Variants in EXOC1 observed in about 807,000 individuals in gnomAD.
EXOC1 encodes the protein exocyst complex component 1.
EXOC1 carries 67 observed loss-of-function variants against 107.7 expected under a neutral mutation model. The observed-to-expected ratio is 0.62, with a 90% CI of 0.51 to 0.76. The LOEUF is 0.76. EXOC1 is among the 30% of genes least tolerant of loss of function. EXOC1 has a pLI of 0.00. For missense variants in EXOC1, 833 were observed against 1,055.7 expected, an observed-to-expected ratio of 0.79 and a Z score of 2.92; for synonymous variants, 348 against 353.5, an observed-to-expected ratio of 0.98 and a Z score of 0.17.
chr4:55,877,696 C>T (rs1048306164), intron 8 of EXOC1: 11 of 985,054 alleles, frequency 1.1e-5, no homozygotes, highest in Admixed American at 6.2e-5. Context: ...GCCATTCTTG[C>T]GTATTTATGA....
intron 3 of EXOC1, 130 bp downstream of exon 3, chr4:55,860,671 T>C: frequency 1.8e-6 from 2 of 1,101,908 alleles, no homozygotes; most frequent in East Asian, 2.8e-5. Flanking sequence ...TTTTGCTTTT[T>C]TTAAGCTATA....
intron 17 of EXOC1, 127 bp downstream of exon 17, chr4:55,900,011 G>A: frequency 1.5e-6 from 1 of 671,686 alleles, no homozygotes; most frequent in Non-Finnish European, 2.4e-6. Context: ...CTCAGTTATT[G>A]AAGCTGCCAG....
At chr4:55,856,093 C>A (rs968746637) in intron 1 of EXOC1, among the ~76,000 whole-genome samples, 7 of 152,162 alleles carry the variant, frequency 4.6e-5, no homozygotes, top group African/African-American at 1.7e-4. Flanking sequence ...AAAAAGGAAT[C>A]ATCAAATGAG....
At chr4:55,880,764 T>G (rs1173239658) in intron 9 of EXOC1, among the ~76,000 whole-genome samples, 2 of 152,216 alleles carry the variant, frequency 1.3e-5, no homozygotes. Flanking sequence ...TATGGAATCA[T>G]TCTCTGCTCA....
At chr4:55,877,781 C>T in intron 8 of EXOC1, 136 bp from the exon 9 acceptor site, 4 of 1,446,212 alleles carry the variant, frequency 2.8e-6, no homozygotes, top group Non-Finnish European at 3.6e-6. Context: ...TTTTATTTTT[C>T]TGTGTTCTAT....
At chr4:55,895,997 C>T (rs571659978) in intron 15 of EXOC1, among the ~76,000 whole-genome samples, 3 of 152,264 alleles carry the variant, frequency 2.0e-5, no homozygotes, top group South Asian at 2.1e-4. Flanking sequence ...AGAAGTTACC[C>T]GGAGGGATCC....
chr4:55,888,814 T>G, intron 10 of EXOC1, 74 bp from the exon 11 acceptor site: 1 of 1,468,826 alleles, frequency 6.8e-7, no homozygotes. Flanking sequence ...AACTTCCTCT[T>G]GTGCATGGTT....
intron 8 of EXOC1, 25 bp from the exon 9 acceptor site, chr4:55,877,888 CATTT>C: frequency 6.2e-7 from 1 of 1,610,346 alleles, no homozygotes; most frequent in African/African-American, 1.3e-5. Flanking sequence ...CTGTTGATTA[CATTT>C]ATTTACTTAT....
intron 4 of EXOC1, among the ~76,000 whole-genome samples, chr4:55,867,904 A>G (rs890809376): frequency 1.3e-5 from 2 of 152,186 alleles, no homozygotes; most frequent in African/African-American, 4.8e-5. Context: ...CAAAAGAAAA[A>G]TTTCACCTGG....
intron 18 of EXOC1, among the ~76,000 whole-genome samples, chr4:55,902,790 T>TTGGC (rs1284655688): frequency 6.6e-6 from 1 of 151,432 alleles, no homozygotes; most frequent in Non-Finnish European, 1.5e-5. Flanking sequence ...GGTTGGTTGG[T>TTGGC]TGGTTGGTTG....
chr4:55,877,687 C>T (rs543660857), intron 8 of EXOC1: 2 of 985,126 alleles, frequency 2.0e-6, no homozygotes, highest in African/African-American at 1.7e-5. Context: ...TATCAGAGTG[C>T]CATTCTTGCG....
At chr4:55,888,663 G>T in intron 10 of EXOC1, 8 of 467,032 alleles carry the variant, frequency 1.7e-5, no homozygotes, top group Middle Eastern at 4.9e-4. Context: ...CTGAATATTT[G>T]AGTAAAAACA....
rs7441699 is a variant in EXOC1, at chr4:55,867,727, T to C, written c.416-609T>C. 2.1e-3 allele frequency among the ~76,000 whole-genome samples: 315 copies of C among 152,308 alleles called. 7 individuals carry two copies. Among genetic ancestry groups the C allele is most frequent in the Admixed American group, 0.018 (275 of 15,306 alleles). On this transcript the variant is annotated intron_variant, in intron 4 of 18. Transcript: ENST00000381295. ...TTATTGAGAAAGCTGTAACTTATCT[T>C]TAGAAATGTTATCAATGCATGTGAA...
intron 18 of EXOC1, 42 bp downstream of exon 18, chr4:55,902,580 C>CTAAG (rs1410665988): frequency 7.2e-7 from 1 of 1,388,396 alleles, no homozygotes; most frequent in East Asian, 2.7e-5. Context: ...AAGATCCTTA[C>CTAAG]ATATATTGCT....
At chr4:55,903,160 AAAAAGAAAG>A (rs1484692985) in intron 18 of EXOC1, among the ~76,000 whole-genome samples, 34 of 140,436 alleles carry the variant, frequency 2.4e-4, no homozygotes, top group African/African-American at 4.9e-4. Context: ...AAAAAAAAAA[AAAAAGAAAG>A]AAAGAAAGAA....
intron 8 of EXOC1, among the ~76,000 whole-genome samples, chr4:55,873,473 A>T (rs1722625074): frequency 6.6e-6 from 1 of 152,200 alleles, no homozygotes; most frequent in African/African-American, 2.4e-5. Flanking sequence ...CAATTATGTT[A>T]TCCACATTTG....
chr4:55,862,545 T>A (rs576225364), intron 3 of EXOC1, among the ~76,000 whole-genome samples: 121 of 152,334 alleles, frequency 7.9e-4, no homozygotes, highest in African/African-American at 2.9e-3. Flanking sequence ...ACTCTTGTTG[T>A]GTTTTTTTGT....
chr4:55,869,762 G>A (rs919267702), intron 5 of EXOC1, among the ~76,000 whole-genome samples: 1 of 152,150 alleles, frequency 6.6e-6, no homozygotes, highest in Non-Finnish European at 1.5e-5. Flanking sequence ...TTTATTTACT[G>A]TGGATAGTAT....
In EXOC1 at chr4:55,871,885, A is replaced by G. The variant is rs1722477839; in HGVS notation, c.1001A>G (p.Gln334Arg). The G allele has an allele frequency of 1.2e-6, 2 of 1,613,760 alleles. No individual in the cohort carries two copies. The highest frequency in any genetic ancestry group is 1.7e-5 in the Admixed American group (1 of 59,968). The stretch of plus-strand genomic sequence containing the variant: ...CTTCTGGCAGTCAAACAGCAACAGC[A>G]GCGATTCAGTGATTTGCGAGAGCTT... ...DLLLAVKQQQ[Q>R]RFSDLRELFA... Residue 334 changes from glutamine to arginine, a missense_variant, in exon 8 of 19, where the codon CAG (glutamine) becomes CGG (arginine). Gln to Arg is a conservative substitution (Grantham distance 43). Around this residue, in one of 2 missense-constraint regions of EXOC1, gnomAD observed 617 missense variants for 701.3 expected, o/e 0.88. Coordinates refer to ENST00000381295, the MANE Select transcript of EXOC1 (RefSeq NM_001024924.2).
Sources: gnomAD v4.1 joint callset for allele counts (sites outside exome capture counted in the v4.1 genomes callset) on GRCh38, gnomAD v4.1.1 for gene constraint, gnomAD v4.1.1 regional missense constraint, MANE v1.5 for transcripts, NCBI Gene and HGNC (gene_info 2026-07-23, HGNC 2026-07-21) for gene names.